IL1RAPL2: variants seen among roughly 807,000 people sequenced by gnomAD.
IL1RAPL2 encodes interleukin 1 receptor accessory protein like 2, also known as X-linked interleukin-1 receptor accessory protein-like 2.
A neutral mutation model predicts 44.1 loss-of-function variants in IL1RAPL2; 3 were observed. The ratio of observed to expected loss-of-function variants is 0.07; its 90% CI spans 0.03 to 0.18. IL1RAPL2 has a LOEUF of 0.18. Among genes scored for constraint, IL1RAPL2 ranks in the 10% least tolerant of loss-of-function variants. The probability of loss-of-function intolerance (pLI) is 1.00; values close to 1 mark genes in which losing one functional copy is unlikely to be tolerated. For missense variants in IL1RAPL2, 391 were observed against 496.4 expected, an observed-to-expected ratio of 0.79 and a Z score of 2.02; for synonymous variants, 181 against 178.8, an observed-to-expected ratio of 1.01 and a Z score of -0.10.
At chrX:104,932,740 G>T (rs1206243636) in intron 2 of IL1RAPL2, among the ~76,000 whole-genome samples, 1 of 112,052 alleles carries the variant, frequency 8.9e-6, no homozygotes, top group Non-Finnish European at 1.9e-5. Flanking sequence ...AGCTGAATAT[G>T]GAAATTAAAG....
chrX:104,642,175 C>T (rs949890674), intron 1 of IL1RAPL2, among the ~76,000 whole-genome samples: 2 of 111,850 alleles, frequency 1.8e-5, no homozygotes, highest in African/African-American at 6.5e-5. Flanking sequence ...CTCCTTTCTC[C>T]ACTTTTGATG....
intron 6 of IL1RAPL2, among the ~76,000 whole-genome samples, chrX:105,612,018 A>T (rs1459433139): frequency 8.9e-6 from 1 of 112,059 alleles, no homozygotes; most frequent in African/African-American, 3.2e-5. Context: ...TTTCTTGGGT[A>T]AATACCAAGA....
chrX:104,964,313 T>C (rs868358041), intron 2 of IL1RAPL2, among the ~76,000 whole-genome samples: 1 of 101,215 alleles, frequency 9.9e-6, no homozygotes, highest in Non-Finnish European at 2.0e-5. Flanking sequence ...TATTTATTTA[T>C]TTATTTTATT....
rs764968679 is a variant in IL1RAPL2 at position 105,540,819 on chromosome X, C to T, written c.772+56432C>T. On this transcript the variant is annotated intron_variant, in intron 6 of 10. Coordinates refer to ENST00000372582, the MANE Select transcript of IL1RAPL2 (RefSeq NM_017416.2). ...AAATATATTAGTTATATAATATATA[C>T]ATATATTATATATGATATATAATAC... Among the ~76,000 whole-genome samples, 155 of 61,804 alleles carry T rather than the reference C, an allele frequency of 2.5e-3. 7 individuals carry two copies. The highest frequency in any genetic ancestry group is 3.3e-3 in the Non-Finnish European group (121 of 36,821). The allele number at this position is 61,804 out of a possible 115,157, so 53.7% of individuals were successfully genotyped here. A position where few individuals can be genotyped will look rare whatever the true frequency, so the allele number is the denominator to read the frequency against.
intron 2 of IL1RAPL2, among the ~76,000 whole-genome samples, chrX:104,950,673 G>A (rs1281253879): frequency 2.7e-5 from 3 of 110,228 alleles, no homozygotes; most frequent in Non-Finnish European, 5.7e-5. Flanking sequence ...TAATCTCCTG[G>A]TGAGCTGTTT....
At chrX:105,684,318 A>G (rs1403193371) in intron 6 of IL1RAPL2, among the ~76,000 whole-genome samples, 1 of 112,628 alleles carries the variant, frequency 8.9e-6, no homozygotes, top group Non-Finnish European at 1.9e-5. Flanking sequence ...AAAATGGGAC[A>G]TTCCTGCCCA....
rs190292363 is a variant in IL1RAPL2 at position 105,283,445 on chromosome X, A to G, written c.697+15904A>G. Among the ~76,000 whole-genome samples the G allele has an allele frequency of 1.6e-3, 177 of 111,352 alleles. 1 individual carries two copies. Among genetic ancestry groups the G allele is most frequent in the Non-Finnish European group, 2.8e-3 (147 of 53,023 alleles). ...TTAGAGGGAACAGCATGTGTCAGCTATAAAAGAAAGATGATGGTGGCTTGG... is the reference window on the plus strand; with the variant it reads ...TTAGAGGGAACAGCATGTGTCAGCTGTAAAAGAAAGATGATGGTGGCTTGG... On this transcript the variant is annotated intron_variant, in intron 5 of 10. Coordinates refer to ENST00000372582, the MANE Select transcript of IL1RAPL2 (RefSeq NM_017416.2).
chrX:104,957,148 G>T (rs2029916998), intron 2 of IL1RAPL2, among the ~76,000 whole-genome samples: 1 of 112,451 alleles, frequency 8.9e-6, no homozygotes, highest in Admixed American at 9.4e-5. Context: ...ACCCAGAGGG[G>T]TTTCCCCATG....
chrX:104,729,751 A>T (rs1469719711), intron 2 of IL1RAPL2, among the ~76,000 whole-genome samples: 1 of 110,406 alleles, frequency 9.1e-6, no homozygotes, highest in Admixed American at 9.7e-5. Context: ...AAGTGAGAAC[A>T]TGTGGTATTT....
At chrX:105,176,454 T>C (rs2033475128) in intron 2 of IL1RAPL2, among the ~76,000 whole-genome samples, 1 of 110,639 alleles carries the variant, frequency 9.0e-6, no homozygotes, top group South Asian at 3.9e-4. Flanking sequence ...ATACTTCTCA[T>C]TCACCCCAAT....
intron 5 of IL1RAPL2, among the ~76,000 whole-genome samples, chrX:105,447,813 T>A (rs1226539461): frequency 1.1e-5 from 1 of 89,456 alleles, no homozygotes; most frequent in Non-Finnish European, 2.1e-5. Context: ...TACATATAAA[T>A]ATATAAATAT....
intron 6 of IL1RAPL2, among the ~76,000 whole-genome samples, chrX:105,596,669 G>A (rs934062462): frequency 5.4e-5 from 6 of 111,611 alleles, no homozygotes; most frequent in Non-Finnish European, 7.5e-5. Flanking sequence ...TGCCTGTTAG[G>A]TTCATTTGGC....
At chrX:105,385,069 C>A (rs2035466429) in intron 5 of IL1RAPL2, among the ~76,000 whole-genome samples, 2 of 110,967 alleles carry the variant, frequency 1.8e-5, no homozygotes, top group Admixed American at 9.7e-5. Context: ...AATTTGACTT[C>A]TTCCTTTCAA....
chrX:105,228,818 T>C (rs1460717002), intron 3 of IL1RAPL2, among the ~76,000 whole-genome samples: 8 of 112,240 alleles, frequency 7.1e-5, no homozygotes, highest in African/African-American at 2.6e-4. Context: ...TCTGAACTAC[T>C]GACCAGCTAC....
At chrX:105,032,965 C>G in intron 2 of IL1RAPL2, among the ~76,000 whole-genome samples, 1 of 111,696 alleles carries the variant, frequency 9.0e-6, no homozygotes, top group East Asian at 2.8e-4. Context: ...GAATTGATCC[C>G]TTTACCATTA....
chrX:104,585,352 T>TTATATATTATATAA (rs1569487973), intron 1 of IL1RAPL2, among the ~76,000 whole-genome samples: 2 of 13,635 alleles, frequency 1.5e-4, no homozygotes, highest in Admixed American at 1.3e-3. Context: ...ATTATATATA[T>TTATATATTATATAA]TATATATATT....
At position 105,590,836 on chromosome X, in the gene IL1RAPL2, T is replaced by TGTGTGC. The variant is rs1556360820; in HGVS notation, c.772+106454_772+106455insCGTGTG. The stretch of plus-strand genomic sequence containing the variant: ...ATTTGTGTGTGTGTGTGTGTGTGTG[T>TGTGTGC]GTGTGTGTGTGTTTGTGTGTGTTTG... On this transcript the variant is annotated intron_variant, in intron 6 of 10. Transcript: ENST00000372582. 1.7e-4 allele frequency among the ~76,000 whole-genome samples: 17 copies of TGTGTGC among 102,463 alleles called. No homozygotes were observed. The Middle Eastern group carries it at 0.02, about 120-fold the overall frequency. The allele number at this position is 102,463 out of a possible 115,157, so 89.0% of individuals were successfully genotyped here. A position where few individuals can be genotyped will look rare whatever the true frequency, so the allele number is the denominator to read the frequency against.
At chrX:104,662,591 C>T (rs1318978301) in intron 2 of IL1RAPL2, among the ~76,000 whole-genome samples, 2 of 111,373 alleles carry the variant, frequency 1.8e-5, no homozygotes, top group African/African-American at 6.5e-5. Flanking sequence ...GTAGAGGACA[C>T]AGGTACCTAA....
chrX:105,079,127 G>A (rs775884194), intron 2 of IL1RAPL2, among the ~76,000 whole-genome samples: 11 of 111,904 alleles, frequency 9.8e-5, no homozygotes, highest in Admixed American at 1.9e-4. Flanking sequence ...CATCTCTCAC[G>A]CTGGGAGCTG....
Sources: gnomAD v4.1 joint callset for allele counts (sites outside exome capture counted in the v4.1 genomes callset) on GRCh38, gnomAD v4.1.1 for gene constraint, MANE v1.5 for transcripts, NCBI Gene and HGNC (gene_info 2026-07-23, HGNC 2026-07-21) for gene names.